The following LBH variants were observed in gnomAD, a reference collection of about 807,000 sequenced individuals.
LBH encodes protein LBH.
A neutral mutation model predicts 12.5 loss-of-function variants in LBH; 7 were observed. The observed-to-expected ratio is 0.56, with a 90% CI of 0.32 to 1.05. The LOEUF (loss-of-function observed/expected upper bound fraction) is 1.05. LBH is among the 50% of genes least tolerant of loss of function. The pLI is 0.04. For synonymous variants in LBH, 51 were observed against 50.1 expected, an observed-to-expected ratio of 1.02 and a Z score of -0.08; for missense variants, 119 against 138.9, an observed-to-expected ratio of 0.86 and a Z score of 0.72.
At chr2:30,232,247 GCGGGA>G in intron 1 of LBH, 1 of 395,048 alleles carries the variant, frequency 2.5e-6, no homozygotes, top group Non-Finnish European at 4.8e-6. Context: ...GGGGTGGGGG[GCGGGA>G]AACGCTCTCC....
In LBH at chr2:30,234,477, C is replaced by T. The variant is rs1483237262; in HGVS notation, c.99C>T (p.Leu33=). The change falls in exon 2 of 3, where the codon CTC becomes CTT. Residue 33 remains leucine (L), a synonymous_variant. Coordinates refer to ENST00000395323, the MANE Select transcript of LBH (RefSeq NM_030915.4). The part of the protein sequence containing the change: ...MNTQPMEEIG[L]SPRKDGLSYQ... ...CCCAGCCCATGGAGGAGATCGGCCT[C>T]AGCCCCCGCAAGGATGGCCTTTCCT... The T allele has an allele frequency of 6.2e-7, 1 of 1,613,966 alleles. No homozygotes were observed. Among genetic ancestry groups the T allele is most frequent in the Non-Finnish European group, 8.5e-7 (1 of 1,179,944 alleles).
intron 2 of LBH, among the ~76,000 whole-genome samples, chr2:30,236,396 A>T (rs1644115503): frequency 6.6e-6 from 1 of 152,202 alleles, no homozygotes; most frequent in South Asian, 2.1e-4. Flanking sequence ...TGAGCAAAGG[A>T]TCCACACATC....
chr2:30,253,175 G>T (rs1488348203), intron 2 of LBH, among the ~76,000 whole-genome samples: 1 of 152,162 alleles, frequency 6.6e-6, no homozygotes, highest in Non-Finnish European at 1.5e-5. Context: ...TCAAATTGCA[G>T]TTGCAACCTC....
At chr2:30,237,126 G>C (rs1677701545) in intron 2 of LBH, among the ~76,000 whole-genome samples, 1 of 152,234 alleles carries the variant, frequency 6.6e-6, no homozygotes, top group Non-Finnish European at 1.5e-5. Flanking sequence ...TGGGGGCAGG[G>C]GATCTCGGAG....
At position 30,231,680 on chromosome 2, in the gene LBH, C is replaced by T. The variant is rs1461099622; in HGVS notation, c.-59C>T. ...CGTCTGCGCCCGTGTCATCCTCACT[C>T]GGGACGCAGGGACCGTTTTTAAATC... On this transcript the variant is annotated 5_prime_UTR_variant, in exon 1 of 3. Transcript: ENST00000395323. 1.9e-6 allele frequency: 3 copies of T among 1,542,384 alleles called. No individual in the cohort carries two copies. The highest frequency in any genetic ancestry group is 2.7e-6 in the Non-Finnish European group (3 of 1,124,778).
At chr2:30,238,230 C>T (rs534231536) in intron 2 of LBH, among the ~76,000 whole-genome samples, 1 of 152,294 alleles carries the variant, frequency 6.6e-6, no homozygotes, top group African/African-American at 2.4e-5. Context: ...GCACTGGGAC[C>T]CTGGCCTTGC....
intron 2 of LBH, among the ~76,000 whole-genome samples, chr2:30,243,677 C>G (rs1677826395): frequency 6.6e-6 from 1 of 151,966 alleles, no homozygotes; most frequent in Admixed American, 6.6e-5. Context: ...ATTACAGGCA[C>G]CCACTACATG....
intron 2 of LBH, among the ~76,000 whole-genome samples, chr2:30,242,503 A>G (rs1307953394): frequency 2.0e-5 from 3 of 152,152 alleles, no homozygotes; most frequent in East Asian, 1.9e-4. Flanking sequence ...CTCAGCCTCC[A>G]AAGTGCTGGG....
At chr2:30,231,789 G>A (rs368820185) in intron 1 of LBH, 25 bp downstream of exon 1, 8 of 1,551,050 alleles carry the variant, frequency 5.2e-6, no homozygotes, top group Non-Finnish European at 7.0e-6. Flanking sequence ...CCTGCGGCGG[G>A]CGTCTGTCTC....
At position 30,257,643 on chromosome 2, in the gene LBH, G is replaced by C; in HGVS notation, c.*22G>C. ...GTAGAGTCCCTGTGGACTCCCATGG[G>C]TCATACCAGCCAGCATCTGTTCCTG... is the stretch of plus-strand genomic sequence containing the variant. On this transcript the variant is annotated 3_prime_UTR_variant, in exon 3 of 3. Transcript: ENST00000395323. 1 of 1,543,518 alleles carries C rather than the reference G, an allele frequency of 6.5e-7. No individual in the cohort carries two copies. Among genetic ancestry groups the C allele is most frequent in the Non-Finnish European group, 8.8e-7 (1 of 1,134,064 alleles).
intron 2 of LBH, among the ~76,000 whole-genome samples, chr2:30,254,310 G>A (rs75776684): frequency 0.045 from 6,802 of 152,204 alleles, 227 homozygotes; most frequent in Middle Eastern, 0.1. Flanking sequence ...TGTGAATGTG[G>A]TCTCTCTCTG....
At chr2:30,250,110 C>T (rs1373184652) in intron 2 of LBH, among the ~76,000 whole-genome samples, 2 of 152,196 alleles carry the variant, frequency 1.3e-5, no homozygotes, top group Non-Finnish European at 1.5e-5. Context: ...CCAGATCCTT[C>T]GGACTCTGTG....
At chr2:30,253,922 G>A in intron 2 of LBH, among the ~76,000 whole-genome samples, 1 of 152,304 alleles carries the variant, frequency 6.6e-6, no homozygotes, top group East Asian at 1.9e-4. Context: ...GACATAGTGA[G>A]CACCTGGGTT....
intron 2 of LBH, among the ~76,000 whole-genome samples, chr2:30,253,284 T>A (rs1678019672): frequency 6.6e-6 from 1 of 152,178 alleles, no homozygotes; most frequent in Non-Finnish European, 1.5e-5. Context: ...GAGATAAGAT[T>A]GTGCTGGCAA....
intron 2 of LBH, among the ~76,000 whole-genome samples, chr2:30,251,924 C>A (rs1437431889): frequency 2.0e-5 from 3 of 152,046 alleles, no homozygotes; most frequent in African/African-American, 4.8e-5. Context: ...AGCAGAGAAT[C>A]CTGGGCCTGA....
intron 2 of LBH, among the ~76,000 whole-genome samples, chr2:30,253,112 A>G (rs1433888207): frequency 6.6e-6 from 1 of 152,152 alleles, no homozygotes; most frequent in Admixed American, 6.5e-5. Flanking sequence ...CCTACCTGTC[A>G]TGTGCTTGGC....
chr2:30,251,491 G>C (rs540675859), intron 2 of LBH, among the ~76,000 whole-genome samples: 1 of 151,644 alleles, frequency 6.6e-6, no homozygotes, highest in Admixed American at 6.6e-5. Flanking sequence ...CTCCGAAGAG[G>C]TGTCCCCTGT....
chr2:30,231,603 G>C lies in LBH; in HGVS notation c.-136G>C, dbSNP rs1677585368. On this transcript the variant is annotated 5_prime_UTR_variant, in exon 1 of 3. Coordinates refer to ENST00000395323, the MANE Select transcript of LBH (RefSeq NM_030915.4). ...ACGTCGCTAGCCGTGGGGCTGTCCT[G>C]GGAAGGCGGACGGCGAGCGCCCGGT... 1 of 812,432 alleles carries C rather than the reference G, an allele frequency of 1.2e-6. No individual in the cohort carries two copies. The highest frequency in any genetic ancestry group is 2.1e-6 in the Non-Finnish European group (1 of 478,976). The allele number at this position is 812,432 out of a possible 1,614,324, so 50.3% of individuals were successfully genotyped here.
rs192027598 is a variant in LBH at position 30,247,717 on chromosome 2, A to G, written c.130-9716A>G. Among the ~76,000 whole-genome samples the G allele has an allele frequency of 6.1e-4, 93 of 152,374 alleles. No homozygotes were observed. In the East Asian group the frequency reaches 7.1e-3, roughly 12 times the overall value. ...CTGTCCATTTCACTGTGCCACATAC[A>G]TAAGTGACATGTGGTTGAGTCAATA... On this transcript the variant is annotated intron_variant, in intron 2 of 2. Transcript: ENST00000395323.
Sources: allele counts gnomAD v4.1 joint callset (sites outside exome capture counted in the v4.1 genomes callset), GRCh38; gene constraint gnomAD v4.1.1; transcripts MANE v1.5; gene names NCBI Gene and HGNC (gene_info 2026-07-23, HGNC 2026-07-21).